The following POLDIP3 variants were observed in gnomAD, a reference collection of about 807,000 sequenced individuals.
POLDIP3 encodes DNA polymerase delta interacting protein 3.
Under a neutral mutation model 45.1 loss-of-function variants are expected in POLDIP3, and 14 were observed. The observed-to-expected ratio is 0.31, with a 90% CI of 0.20 to 0.49. The LOEUF is 0.49. Among genes scored for constraint, POLDIP3 ranks in the 20% least tolerant of loss-of-function variants. The pLI is 0.99. For synonymous variants in POLDIP3, 223 were observed against 205.2 expected (o/e 1.09, Z -0.74); for missense variants, 511 against 538.8 (o/e 0.95, Z 0.51).
At position 42,585,095 on chromosome 22, in the gene POLDIP3, A is replaced by G. The variant is rs956048890; in HGVS notation, c.*696T>C. The G allele has an allele frequency of 4.5e-6, 2 of 441,286 alleles. No individual in the cohort carries two copies. The highest frequency in any genetic ancestry group is 2.5e-5 in the Admixed American group (1 of 39,540). 27.3% of individuals were successfully genotyped at this position (441,286 alleles called of 1,614,324 possible). A position where few individuals can be genotyped will look rare whatever the true frequency, so the allele number is the denominator to read the frequency against. On this transcript the variant is annotated 3_prime_UTR_variant, in exon 9 of 9. Transcript: ENST00000252115. ...GTGGGGCATTCAGCACAACTCAAGG[A>G]AAAGGGAAAGGTGAACTCTGGAGAA...
chr22:42,593,554 G>A (rs933677601), intron 6 of POLDIP3, among the ~76,000 whole-genome samples: 8 of 152,140 alleles, frequency 5.3e-5, no homozygotes, highest in African/African-American at 1.9e-4. Flanking sequence ...GTCTCACTCT[G>A]TCACCCAGGC....
In POLDIP3 at chr22:42,592,068, C is replaced by T. The variant is rs1324982005; in HGVS notation, c.908G>A (p.Cys303Tyr). The change falls in exon 7 of 9, where the codon TGT (cysteine) becomes TAT (tyrosine). Residue 303 changes from cysteine to tyrosine, a missense_variant. Coordinates refer to ENST00000252115, the MANE Select transcript of POLDIP3 (RefSeq NM_032311.5). Reference sequence around the variant, plus strand: ...CAGTCGAGCTCGCTTGAGGGCCCCACACACACAGAAAAGCTCCTGCACACA... The same window carrying T: ...CAGTCGAGCTCGCTTGAGGGCCCCATACACACAGAAAAGCTCCTGCACACA... The part of the protein sequence containing the change: ...EEDIVELFCV[C>Y]GALKRARLVH... 3.1e-6 allele frequency: 5 copies of T among 1,614,122 alleles called. No individual in the cohort carries two copies. The highest frequency in any genetic ancestry group is 4.2e-6 in the Non-Finnish European group (5 of 1,180,040).
intron 8 of POLDIP3, among the ~76,000 whole-genome samples, chr22:42,587,084 A>G (rs1190616593): frequency 7.6e-6 from 1 of 132,114 alleles, no homozygotes; most frequent in East Asian, 2.6e-4. Context: ...AAATAACTGA[A>G]AAAGCAAAAA....
chr22:42,596,971 G>A (rs1364218527), intron 4 of POLDIP3, among the ~76,000 whole-genome samples: 1 of 152,146 alleles, frequency 6.6e-6, no homozygotes, highest in Non-Finnish European at 1.5e-5. Flanking sequence ...AAAGCTTGAG[G>A]CCAAGTTCAT....
intron 7 of POLDIP3, among the ~76,000 whole-genome samples, chr22:42,590,682 T>C (rs1471963571): frequency 6.6e-6 from 1 of 152,190 alleles, no homozygotes; most frequent in African/African-American, 2.4e-5. Flanking sequence ...GGAGAAAATA[T>C]TGGTAAATCA....
intron 1 of POLDIP3, among the ~76,000 whole-genome samples, chr22:42,613,119 G>A (rs1214371289): frequency 6.6e-6 from 1 of 152,158 alleles, no homozygotes; most frequent in Non-Finnish European, 1.5e-5. Context: ...GTCAGAAACT[G>A]GCGGAGTGAC....
chr22:42,607,424 G>C (rs542661608), intron 1 of POLDIP3, among the ~76,000 whole-genome samples: 2 of 152,378 alleles, frequency 1.3e-5, no homozygotes, highest in East Asian at 3.9e-4. Flanking sequence ...TCGTTGCCCA[G>C]GCTGGAATGC....
At chr22:42,592,867 C>CA (rs1176874085) in intron 6 of POLDIP3, among the ~76,000 whole-genome samples, 6 of 152,192 alleles carry the variant, frequency 3.9e-5, no homozygotes, top group East Asian at 1.9e-4. Flanking sequence ...GACTAGCACT[C>CA]ACGCCATTTC....
rs2146794382 is a variant in POLDIP3 at position 42,585,085 on chromosome 22, C to T, written c.*706G>A. 2 of 445,258 alleles carry T rather than the reference C, an allele frequency of 4.5e-6. No homozygotes were observed. Among genetic ancestry groups the T allele is most frequent in the South Asian group, 3.2e-5 (2 of 63,054 alleles). The allele number at this position is 445,258 out of a possible 1,614,324, so 27.6% of individuals were successfully genotyped here. A position where few individuals can be genotyped will look rare whatever the true frequency, so the allele number is the denominator to read the frequency against. On this transcript the variant is annotated 3_prime_UTR_variant, in exon 9 of 9. Coordinates refer to ENST00000252115, the MANE Select transcript of POLDIP3 (RefSeq NM_032311.5). ...GAGAGCTGGGGTGGGGCATTCAGCA[C>T]AACTCAAGGAAAAGGGAAAGGTGAA...
At chr22:42,597,870 TCG>T (rs2146815216) in intron 4 of POLDIP3, 1 of 395,400 alleles carries the variant, frequency 2.5e-6, no homozygotes, top group East Asian at 7.4e-5. Flanking sequence ...AACCTCCACC[TCG>T]GGGTTCAAAC....
At chr22:42,612,083 C>G (rs1296523883) in intron 1 of POLDIP3, among the ~76,000 whole-genome samples, 1 of 152,160 alleles carries the variant, frequency 6.6e-6, no homozygotes, top group Non-Finnish European at 1.5e-5. Flanking sequence ...ATGCTAGTCT[C>G]TCTGCCTGCA....
intron 4 of POLDIP3, among the ~76,000 whole-genome samples, chr22:42,598,685 A>G (rs538058231): frequency 1.6e-4 from 24 of 152,226 alleles, no homozygotes; most frequent in African/African-American, 5.3e-4. Context: ...CACCTGGCCC[A>G]TATTTCTCTT....
At chr22:42,599,826 T>C (rs756997279) in intron 3 of POLDIP3, 33 bp from the exon 4 acceptor site, 6 of 1,499,424 alleles carry the variant, frequency 4.0e-6, no homozygotes, top group Non-Finnish European at 5.5e-6. Flanking sequence ...TATAAGCAAA[T>C]GTGGCATCTG....
At position 42,596,222 on chromosome 22, in the gene POLDIP3, G is replaced by A. The variant is rs1400223420; in HGVS notation, c.777C>T (p.Asn259=). The change falls in exon 5 of 9, where the codon AAC becomes AAT. Residue 259 remains asparagine, a synonymous_variant. Transcript: ENST00000252115. ...GCAGCTCTTTGGGGGGTTCTTCCTTGTTCACCAGTGTCCGGGACATGTTGG... is the reference window on the plus strand; with the variant it reads ...GCAGCTCTTTGGGGGGTTCTTCCTTATTCACCAGTGTCCGGGACATGTTGG... ...ALTNMSRTLV[N]KEEPPKELPA... 1.2e-6 allele frequency: 2 copies of A among 1,614,188 alleles called. No homozygotes were observed. The highest frequency in any genetic ancestry group is 1.7e-6 in the Non-Finnish European group (2 of 1,180,042).
At chr22:42,586,233 T>C (rs984247212) in intron 8 of POLDIP3, among the ~76,000 whole-genome samples, 1 of 152,056 alleles carries the variant, frequency 6.6e-6, no homozygotes, top group African/African-American at 2.4e-5. Context: ...TTTTTAAAAT[T>C]TTTTGTAGAG....
intron 4 of POLDIP3, among the ~76,000 whole-genome samples, chr22:42,597,483 G>A (rs150718217): frequency 2.0e-5 from 3 of 152,134 alleles, no homozygotes; most frequent in East Asian, 1.9e-4. Flanking sequence ...GAGACTGCTC[G>A]GGCTCCATTC....
At position 42,592,166 on chromosome 22, in the gene POLDIP3, G is replaced by A. The variant is rs535076034; in HGVS notation, c.892-82C>T. 27 of 1,580,378 alleles carry A rather than the reference G, an allele frequency of 1.7e-5. No individual in the cohort carries two copies. In the African/African-American group the frequency reaches 3.4e-4, roughly 20 times the overall value. ...ACACACTCTGAAGGCCCTGGGGTGT[G>A]GTGGTTCCGCTGCAGCTAAATGCGC... On this transcript the variant is annotated intron_variant, in intron 6 of 8. Coordinates refer to ENST00000252115, the MANE Select transcript of POLDIP3 (RefSeq NM_032311.5).
intron 3 of POLDIP3, 28 bp downstream of exon 3, chr22:42,601,938 TTCTC>T (rs113251689): frequency 2.4e-5 from 37 of 1,565,642 alleles, no homozygotes; most frequent in Admixed American, 8.6e-5. Flanking sequence ...TACACACAGA[TTCTC>T]TCTCTCTCTC....
chr22:42,604,962 G>A (rs1220706810), intron 1 of POLDIP3, among the ~76,000 whole-genome samples: 1 of 152,162 alleles, frequency 6.6e-6, no homozygotes, highest in Non-Finnish European at 1.5e-5. Flanking sequence ...CCTTTATAAG[G>A]AAGAAGCCCC....
Sources: gnomAD v4.1 joint callset for allele counts (sites outside exome capture counted in the v4.1 genomes callset) on GRCh38, gnomAD v4.1.1 for gene constraint, MANE v1.5 for transcripts, NCBI Gene and HGNC (gene_info 2026-07-23, HGNC 2026-07-21) for gene names.